The following GRIA4 variants were observed in gnomAD, a reference collection of about 807,000 sequenced individuals.
GRIA4 encodes the protein glutamate receptor 4.
GRIA4 carries 34 observed loss-of-function variants against 104.0 expected under a neutral mutation model. The observed-to-expected ratio is 0.33, with a 90% CI of 0.25 to 0.44. The LOEUF (loss-of-function observed/expected upper bound fraction) is 0.44, where lower values mean the gene tolerates loss of function less well. Ranked by LOEUF, GRIA4 falls within the 20% of genes least tolerant of loss-of-function variation. GRIA4 has a pLI of 1.00. For missense variants in GRIA4, 750 were observed against 1,096.5 expected (o/e 0.68, Z 4.46); for synonymous variants, 386 against 381.9 (o/e 1.01, Z -0.13).
intron 13 of GRIA4, among the ~76,000 whole-genome samples, chr11:105,929,846 A>G (rs772528632): frequency 6.6e-6 from 1 of 152,098 alleles, no homozygotes; most frequent in Non-Finnish European, 1.5e-5. Context: ...AAGTAAAAGG[A>G]TAGCACATTC....
chr11:105,910,342 G>A (rs1413880548), intron 9 of GRIA4, 93 bp from the exon 10 acceptor site: 6 of 584,622 alleles, frequency 1.0e-5, no homozygotes, highest in Non-Finnish European at 1.9e-5. Context: ...CATTTGTTTT[G>A]TTTGCTTACC....
chr11:105,965,925 A>C (rs756898970), intron 14 of GRIA4: 4 of 1,506,648 alleles, frequency 2.7e-6, no homozygotes, highest in African/African-American at 1.4e-5. Context: ...GTTTCTTACA[A>C]AATATGTTTT....
intron 4 of GRIA4, among the ~76,000 whole-genome samples, chr11:105,801,062 A>C (rs1942699818): frequency 6.6e-6 from 1 of 151,846 alleles, no homozygotes; most frequent in African/African-American, 2.4e-5. Flanking sequence ...ATTAAATCCT[A>C]ATAAAATTGA....
intron 11 of GRIA4, among the ~76,000 whole-genome samples, chr11:105,919,988 A>C (rs1947514754): frequency 6.6e-6 from 1 of 152,160 alleles, no homozygotes; most frequent in Admixed American, 6.6e-5. Flanking sequence ...CTCACTTTCC[A>C]AGCCAAAACT....
At chr11:105,833,592 G>A (rs1394495418) in intron 4 of GRIA4, among the ~76,000 whole-genome samples, 1 of 151,944 alleles carries the variant, frequency 6.6e-6, no homozygotes, top group Non-Finnish European at 1.5e-5. Context: ...AAAGGGTTAA[G>A]CAACTGATGA....
intron 4 of GRIA4, among the ~76,000 whole-genome samples, chr11:105,771,339 C>T (rs1380436998): frequency 3.3e-5 from 5 of 152,012 alleles, no homozygotes; most frequent in Admixed American, 2.0e-4. Flanking sequence ...TTCATGTTTT[C>T]TGCCTTATAT....
chr11:105,944,165 AGT>A, intron 14 of GRIA4, among the ~76,000 whole-genome samples: 1 of 152,290 alleles, frequency 6.6e-6, no homozygotes, highest in Middle Eastern at 3.4e-3. Flanking sequence ...TCTGTCATAA[AGT>A]GTTTTTTCCC....
rs368282384 is a variant in GRIA4 at position 105,612,449 on chromosome 11, A to C, written c.247+15A>C. ...AACAAACGCCTGTAAGTAAAACATA[A>C]GCTATGAAAAATTAGAAGAGAACTG... On this transcript the variant is annotated intron_variant, in intron 3 of 16. Transcript: ENST00000282499. 5.0e-6 allele frequency: 8 copies of C among 1,609,484 alleles called. No homozygotes were observed. Among genetic ancestry groups the C allele is most frequent in the Non-Finnish European group, 6.8e-6 (8 of 1,176,978 alleles).
chr11:105,673,601 G>A (rs1000534350), intron 3 of GRIA4, among the ~76,000 whole-genome samples: 2 of 151,930 alleles, frequency 1.3e-5, no homozygotes, highest in African/African-American at 4.8e-5. Flanking sequence ...TGTAGAACAT[G>A]GAAATATCTT....
chr11:105,778,444 C>A (rs1353426705), intron 4 of GRIA4, among the ~76,000 whole-genome samples: 2 of 152,206 alleles, frequency 1.3e-5, no homozygotes, highest in Non-Finnish European at 2.9e-5. Flanking sequence ...CGGTGGCTCA[C>A]GCCTGTAATC....
chr11:105,838,458 T>C (rs534164805), intron 4 of GRIA4, among the ~76,000 whole-genome samples: 4 of 152,340 alleles, frequency 2.6e-5, no homozygotes, highest in African/African-American at 9.6e-5. Flanking sequence ...GGAAATTGTA[T>C]CAAATTATAT....
chr11:105,753,717 T>C (rs1467263835), intron 4 of GRIA4, among the ~76,000 whole-genome samples: 22 of 152,116 alleles, frequency 1.4e-4, no homozygotes, highest in Admixed American at 1.4e-3. Context: ...CAGCTATAAA[T>C]TGGGGTTCCC....
intron 3 of GRIA4, among the ~76,000 whole-genome samples, chr11:105,701,177 G>A (rs1953475743): frequency 6.6e-6 from 1 of 152,160 alleles, no homozygotes. Flanking sequence ...TTGTGCTGTT[G>A]TCATTCCTTT....
At chr11:105,780,394 A>G (rs1003110394) in intron 4 of GRIA4, among the ~76,000 whole-genome samples, 5 of 152,182 alleles carry the variant, frequency 3.3e-5, no homozygotes, top group Admixed American at 2.0e-4. Context: ...CAAAGTATAG[A>G]GTACCTATTT....
At chr11:105,920,352 G>C (rs568622949) in intron 11 of GRIA4, among the ~76,000 whole-genome samples, 3 of 152,274 alleles carry the variant, frequency 2.0e-5, no homozygotes, top group South Asian at 4.1e-4. Flanking sequence ...TTTTGATACA[G>C]TAAGCATAAC....
rs765231253 is a variant in GRIA4 at position 105,974,584 on chromosome 11, G to A, written c.2544+140G>A. ...TAGGACTTAGGCCCGACTACAGTGA[G>A]TGGGGGATGCATCCTGTGAACGCAG... is the stretch of plus-strand genomic sequence containing the variant. On this transcript the variant is annotated intron_variant, in intron 16 of 16. Transcript: ENST00000282499. The A allele has an allele frequency of 8.7e-6, 14 of 1,602,740 alleles. No homozygotes were observed. In the Admixed American group the frequency reaches 1.2e-4, roughly 13 times the overall value.
intron 3 of GRIA4, among the ~76,000 whole-genome samples, chr11:105,706,051 T>C (rs1166240363): frequency 6.6e-6 from 1 of 152,194 alleles, no homozygotes. Context: ...AGTGCAGTAC[T>C]AAGAAACTAG....
chr11:105,928,206 G>A (rs1334193328), intron 13 of GRIA4, among the ~76,000 whole-genome samples: 1 of 151,864 alleles, frequency 6.6e-6, no homozygotes, highest in African/African-American at 2.4e-5. Context: ...ATCATATCAA[G>A]AGCAAATCAC....
intron 14 of GRIA4, among the ~76,000 whole-genome samples, chr11:105,936,137 C>T (rs1334079089): frequency 1.3e-5 from 2 of 152,128 alleles, no homozygotes; most frequent in African/African-American, 4.8e-5. Flanking sequence ...CTGTCTCATC[C>T]TCAGCCATCT....
Sources: gnomAD v4.1 joint callset for allele counts (sites outside exome capture counted in the v4.1 genomes callset) on GRCh38, gnomAD v4.1.1 for gene constraint, MANE v1.5 for transcripts, NCBI Gene and HGNC (gene_info 2026-07-23, HGNC 2026-07-21) for gene names.